GPHN: variants seen among roughly 807,000 people sequenced by gnomAD.
The protein encoded by GPHN is gephyrin.
In GPHN, 17 loss-of-function variants were observed where a neutral mutation model predicts 95.5. The ratio of observed to expected loss-of-function variants is 0.18; its 90% CI spans 0.12 to 0.27. The LOEUF (loss-of-function observed/expected upper bound fraction) is 0.27. Ranked by LOEUF, GPHN falls within the 10% of genes least tolerant of loss-of-function variation. The probability of loss-of-function intolerance (pLI) is 1.00; values close to 1 mark genes in which losing one functional copy is unlikely to be tolerated. For synonymous variants in GPHN, 320 were observed against 322.5 expected, an observed-to-expected ratio of 0.99 and a Z score of 0.08; for missense variants, 660 against 978.1, an observed-to-expected ratio of 0.67 and a Z score of 4.34.
the GPHN span, chr14:67,397,763 A>G: frequency 6.2e-7 from 1 of 1,613,488 alleles, no homozygotes; most frequent in East Asian, 2.2e-5. Flanking sequence ...TCAAGCTTGT[A>G]GTACACCAGC....
intron 8 of GPHN, among the ~76,000 whole-genome samples, chr14:66,953,924 A>C (rs554252095): frequency 2.6e-5 from 4 of 152,098 alleles, no homozygotes; most frequent in Non-Finnish European, 5.9e-5. Context: ...AATCCCAGCT[A>C]CTTGGGAGGC....
At chr14:66,926,851 G>A (rs1349966466) in intron 8 of GPHN, among the ~76,000 whole-genome samples, 1 of 152,092 alleles carries the variant, frequency 6.6e-6, no homozygotes, top group African/African-American at 2.4e-5. Context: ...ACATTTTAAC[G>A]ATATTGATTC....
At chr14:67,309,348 C>G in the GPHN span, among the ~76,000 whole-genome samples, 1 of 152,120 alleles carries the variant, frequency 6.6e-6, no homozygotes, top group African/African-American at 2.4e-5. Context: ...AATACCCAGA[C>G]TTTAACTCAT....
At chr14:67,360,958 G>A in the GPHN span, among the ~76,000 whole-genome samples, 1 of 152,114 alleles carries the variant, frequency 6.6e-6, no homozygotes, top group East Asian at 1.9e-4. Flanking sequence ...TGGAAAGAGC[G>A]GGGTCCGAGT....
At chr14:67,699,177 C>T in the GPHN span, among the ~76,000 whole-genome samples, 7 of 151,804 alleles carry the variant, frequency 4.6e-5, no homozygotes, top group Admixed American at 2.0e-4. Context: ...CACTTGAACC[C>T]GGGAGGCAGA....
intron 5 of GPHN, among the ~76,000 whole-genome samples, chr14:66,905,602 G>A (rs1350615328): frequency 6.6e-6 from 1 of 151,900 alleles, no homozygotes; most frequent in Non-Finnish European, 1.5e-5. Context: ...TAGATTCAGG[G>A]GTACATGTAC....
the GPHN span, among the ~76,000 whole-genome samples, chr14:67,490,441 T>C: frequency 6.6e-6 from 1 of 152,188 alleles, no homozygotes; most frequent in Admixed American, 6.5e-5. Context: ...CAGCCTCCTA[T>C]GTGGGCAAGG....
At chr14:67,487,630 C>A in the GPHN span, among the ~76,000 whole-genome samples, 1 of 152,180 alleles carries the variant, frequency 6.6e-6, no homozygotes. Flanking sequence ...TGCAGAAAAA[C>A]AAAATGTGTG....
chr14:66,655,728 T>A (rs1382585950), intron 1 of GPHN, among the ~76,000 whole-genome samples: 1 of 152,080 alleles, frequency 6.6e-6, no homozygotes, highest in Non-Finnish European at 1.5e-5. Context: ...ATGATGTTAG[T>A]AGATTTTTAA....
At chr14:67,316,062 G>C in the GPHN span, among the ~76,000 whole-genome samples, 1 of 152,108 alleles carries the variant, frequency 6.6e-6, no homozygotes, top group South Asian at 2.1e-4. Context: ...TGATTTTTAA[G>C]AATCTCTGGC....
chr14:66,786,918 C>G (rs2059797713), intron 3 of GPHN, among the ~76,000 whole-genome samples: 1 of 152,104 alleles, frequency 6.6e-6, no homozygotes, highest in Admixed American at 6.5e-5. Flanking sequence ...TAACAGCATA[C>G]TTAATGGTGA....
At chr14:66,779,939 A>G (rs2059545205) in intron 3 of GPHN, among the ~76,000 whole-genome samples, 1 of 152,198 alleles carries the variant, frequency 6.6e-6, no homozygotes. Context: ...GAAGGAGACC[A>G]GGTTGCAGGA....
the GPHN span, chr14:67,474,058 C>G: frequency 8.5e-7 from 1 of 1,178,158 alleles, no homozygotes; most frequent in East Asian, 2.6e-5. Flanking sequence ...TCCAAACCAG[C>G]CTGGCCATCA....
intron 2 of GPHN, among the ~76,000 whole-genome samples, chr14:66,708,774 C>T (rs923481470): frequency 5.3e-5 from 8 of 152,046 alleles, no homozygotes; most frequent in Non-Finnish European, 8.8e-5. Flanking sequence ...ATAGTTTTCA[C>T]ATGACATGCT....
At chr14:66,789,100 GAA>G (rs1242719190) in intron 3 of GPHN, among the ~76,000 whole-genome samples, 2 of 152,114 alleles carry the variant, frequency 1.3e-5, no homozygotes, top group Non-Finnish European at 2.9e-5. Flanking sequence ...TCAATTTATG[GAA>G]AAACTGAATA....
chr14:67,181,126 A>G lies in GPHN; in HGVS notation c.*189A>G, dbSNP rs1387111596. 1.5e-6 allele frequency: 1 copy of G among 669,620 alleles called. No homozygotes were observed. Among genetic ancestry groups the G allele is most frequent in the East Asian group, 2.8e-5 (1 of 36,284 alleles). 41.5% of individuals were successfully genotyped at this position (669,620 alleles called of 1,614,324 possible). ...AAAACACCTAAAAATAAATCTTAACAGAAAATTCTGTTCTGATTATATCAA... is the reference window on the plus strand; with the variant it reads ...AAAACACCTAAAAATAAATCTTAACGGAAAATTCTGTTCTGATTATATCAA... On this transcript the variant is annotated 3_prime_UTR_variant, in exon 23 of 23. Coordinates refer to ENST00000478722, the MANE Select transcript of GPHN (RefSeq NM_020806.5).
At chr14:67,400,893 G>A in the GPHN span, among the ~76,000 whole-genome samples, 21 of 152,028 alleles carry the variant, frequency 1.4e-4, no homozygotes, top group Non-Finnish European at 2.9e-4. Flanking sequence ...GGGAGGCTGA[G>A]GAGGGACAAT....
chr14:66,581,426 A>T (rs1411881994), intron 1 of GPHN, among the ~76,000 whole-genome samples: 1 of 151,972 alleles, frequency 6.6e-6, no homozygotes, highest in Non-Finnish European at 1.5e-5. Flanking sequence ...AAAAAGTGGG[A>T]ATCAGAGCAT....
the GPHN span, among the ~76,000 whole-genome samples, chr14:67,508,309 A>AAAAGGCTGGAACCTCAGCCTTTCTCAGG: frequency 6.6e-6 from 1 of 152,090 alleles, no homozygotes; most frequent in African/African-American, 2.4e-5. Context: ...TATTTCCTGA[A>AAAAGGCTGGAACCTCAGCCTTTCTCAGG]AAAGGCTGGA....
Sources: gnomAD v4.1 joint callset for allele counts (sites outside exome capture counted in the v4.1 genomes callset) on GRCh38, gnomAD v4.1.1 for gene constraint, MANE v1.5 for transcripts, NCBI Gene and HGNC (gene_info 2026-07-23, HGNC 2026-07-21) for gene names.